The following GIPC2 variants were observed in gnomAD, a reference collection of about 807,000 sequenced individuals.
GIPC2 encodes the protein PDZ domain-containing protein GIPC2.
In GIPC2, 30 loss-of-function variants were observed where a neutral mutation model predicts 30.6. The ratio of observed to expected loss-of-function variants is 0.98; its 90% CI spans 0.73 to 1.33. The LOEUF (loss-of-function observed/expected upper bound fraction) is 1.33, where lower values mean the gene tolerates loss of function less well. GIPC2 is among the 40% of genes most tolerant of loss of function. The probability of loss-of-function intolerance (pLI) is 0.00; values close to 1 mark genes in which losing one functional copy is unlikely to be tolerated. For synonymous variants in GIPC2, 167 were observed against 150.0 expected (o/e 1.11, Z -0.83); for missense variants, 414 against 390.3 (o/e 1.06, Z -0.51).
chr1:78,079,553 G>T (rs1449495785), intron 1 of GIPC2, among the ~76,000 whole-genome samples: 1 of 152,182 alleles, frequency 6.6e-6, no homozygotes, highest in Non-Finnish European at 1.5e-5. Flanking sequence ...GAGGCCTGAG[G>T]TAAGGATCCG....
At chr1:78,080,995 C>T (rs1661817036) in intron 2 of GIPC2, 135 bp downstream of exon 2, 1 of 491,526 alleles carries the variant, frequency 2.0e-6, no homozygotes, top group Admixed American at 4.0e-5. Flanking sequence ...TAATGTTTCA[C>T]TTTCATTTTA....
chr1:78,075,915 T>G (rs1371941646), intron 1 of GIPC2, among the ~76,000 whole-genome samples: 1 of 151,238 alleles, frequency 6.6e-6, no homozygotes, highest in South Asian at 2.1e-4. Flanking sequence ...TGTCTCGAAG[T>G]AAGACTGGAG....
chr1:78,107,824 CAAAAAAAAAAAAAAAAAA>C (rs35134592), intron 3 of GIPC2, among the ~76,000 whole-genome samples: 1 of 28,742 alleles, frequency 3.5e-5, no homozygotes, highest in Non-Finnish European at 6.0e-5. Context: ...AACTCTGTCT[CAAAAAAAAAAAAAAAAAA>C]AAAAAAAAAA....
intron 1 of GIPC2, among the ~76,000 whole-genome samples, chr1:78,051,746 C>T (rs907958741): frequency 6.6e-6 from 1 of 152,162 alleles, no homozygotes; most frequent in Admixed American, 6.5e-5. Flanking sequence ...CTGCCTGCCT[C>T]GGCCTCCCAA....
At chr1:78,118,247 CAAAAAAA>C (rs71810685) in intron 3 of GIPC2, among the ~76,000 whole-genome samples, 1 of 34,250 alleles carries the variant, frequency 2.9e-5, no homozygotes, top group African/African-American at 1.1e-4. Context: ...AGTTTCATTG[CAAAAAAA>C]AAAAAAAAAA....
chr1:78,097,120 A>G (rs901790301), intron 3 of GIPC2, among the ~76,000 whole-genome samples: 1 of 151,982 alleles, frequency 6.6e-6, no homozygotes, highest in Non-Finnish European at 1.5e-5. Context: ...CAGAGAGGGG[A>G]GCATATATCA....
At chr1:78,061,483 G>GT (rs773249263) in intron 1 of GIPC2, among the ~76,000 whole-genome samples, 132 of 150,492 alleles carry the variant, frequency 8.8e-4, no homozygotes, top group Middle Eastern at 3.4e-3. Context: ...TGGTAGAATG[G>GT]TTTTTTTTTG....
At chr1:78,092,262 G>C (rs1441555376) in intron 2 of GIPC2, among the ~76,000 whole-genome samples, 1 of 152,190 alleles carries the variant, frequency 6.6e-6, no homozygotes, top group South Asian at 2.1e-4. Context: ...CATCTGTGAT[G>C]AGAAGGCAGA....
intron 3 of GIPC2, among the ~76,000 whole-genome samples, chr1:78,099,930 T>A (rs1421803961): frequency 6.6e-6 from 1 of 152,124 alleles, no homozygotes; most frequent in Non-Finnish European, 1.5e-5. Context: ...TTATAGGTGG[T>A]GGCGTCACAG....
At chr1:78,049,970 C>CA (rs1448952705) in intron 1 of GIPC2, among the ~76,000 whole-genome samples, 1 of 145,490 alleles carries the variant, frequency 6.9e-6, no homozygotes, top group African/African-American at 2.6e-5. Flanking sequence ...GATCGTGGCT[C>CA]ACTGCAACCT....
chr1:78,097,223 G>A (rs980829596), intron 3 of GIPC2, among the ~76,000 whole-genome samples: 1 of 151,802 alleles, frequency 6.6e-6, no homozygotes, highest in East Asian at 1.9e-4. Flanking sequence ...GTATTTTCTG[G>A]CATTATTATT....
intron 3 of GIPC2, chr1:78,112,366 C>A: frequency 2.0e-6 from 1 of 511,710 alleles, no homozygotes; most frequent in Non-Finnish European, 3.9e-6. Context: ...TCCTGTTAGG[C>A]AACCTTGTTG....
Position 78,095,068 on chromosome 1 carries a change from G to T in GIPC2, c.543G>T (p.Lys181Asn). The change falls in exon 3 of 6, where the codon AAG becomes AAT. Residue 181 changes from lysine (K) to asparagine (N), a missense_variant. Transcript: ENST00000370759. ...GGCGTCACTATGATGTTGCTAAGAA[G>T]TTAAAGGAATTAAAAAAGGAGGAAC... ...VGWRHYDVAK[K>N]LKELKKEELF... 1 of 1,611,606 alleles carries T rather than the reference G, an allele frequency of 6.2e-7. No individual in the cohort carries two copies. The highest frequency in any genetic ancestry group is 8.5e-7 in the Non-Finnish European group (1 of 1,177,742).
intron 3 of GIPC2, among the ~76,000 whole-genome samples, chr1:78,096,570 A>C (rs1056617441): frequency 4.2e-4 from 64 of 151,766 alleles, no homozygotes; most frequent in African/African-American, 1.5e-3. Flanking sequence ...ATATACCTTA[A>C]CTTGGATGCT....
intron 2 of GIPC2, among the ~76,000 whole-genome samples, chr1:78,084,029 A>G (rs1171066772): frequency 3.9e-5 from 6 of 151,984 alleles, no homozygotes; most frequent in Non-Finnish European, 4.4e-5. Flanking sequence ...AGCTGTGCTC[A>G]TACACTGAAG....
intron 5 of GIPC2, among the ~76,000 whole-genome samples, chr1:78,130,982 T>C (rs568348175): frequency 6.6e-6 from 1 of 151,522 alleles, no homozygotes; most frequent in Admixed American, 6.6e-5. Flanking sequence ...CTATATGTGG[T>C]AAAAAAAAAT....
chr1:78,129,349 A>C (rs1662847597), intron 5 of GIPC2, among the ~76,000 whole-genome samples: 1 of 152,220 alleles, frequency 6.6e-6, no homozygotes, highest in Non-Finnish European at 1.5e-5. Context: ...TTAACAGACA[A>C]ATATATTTAC....
chr1:78,099,792 G>T (rs886787966), intron 3 of GIPC2, among the ~76,000 whole-genome samples: 1 of 151,900 alleles, frequency 6.6e-6, no homozygotes, highest in African/African-American at 2.4e-5. Context: ...TATGAATGGT[G>T]CTTACTTAGT....
chr1:78,123,991 T>C (rs1247193006), intron 4 of GIPC2, among the ~76,000 whole-genome samples: 1 of 152,234 alleles, frequency 6.6e-6, no homozygotes, highest in African/African-American at 2.4e-5. Flanking sequence ...AGATTTTTAT[T>C]TGCTATAAAA....
Sources: gnomAD v4.1 joint callset for allele counts (sites outside exome capture counted in the v4.1 genomes callset) on GRCh38, gnomAD v4.1.1 for gene constraint, MANE v1.5 for transcripts, NCBI Gene and HGNC (gene_info 2026-07-23, HGNC 2026-07-21) for gene names.